The following EXT2 variants were observed in gnomAD, a reference collection of about 807,000 sequenced individuals.
EXT2 encodes the protein exostosin-2.
EXT2 carries 53 observed loss-of-function variants against 81.6 expected under a neutral mutation model. The observed-to-expected ratio is 0.65, with a 90% confidence interval of 0.52 to 0.82. The LOEUF is 0.82. EXT2 is among the 40% of genes least tolerant of loss of function. EXT2 has a pLI of 0.00. For synonymous variants in EXT2, 320 were observed against 340.0 expected, an observed-to-expected ratio of 0.94 and a Z score of 0.65; for missense variants, 774 against 910.2, an observed-to-expected ratio of 0.85 and a Z score of 1.93.
At position 44,172,575 on chromosome 11, in the gene EXT2, T is replaced by C. The variant is rs1297705822; in HGVS notation, c.1305+833T>C. Among the ~76,000 whole-genome samples, 4 of 133,108 alleles carry C rather than the reference T, an allele frequency of 3.0e-5. No individual in the cohort carries two copies. The East Asian group carries it at 9.6e-4, about 32-fold the overall frequency. The allele number at this position is 133,108 out of a possible 152,430, so 87.3% of individuals were successfully genotyped here. A position where few individuals can be genotyped will look rare whatever the true frequency, so the allele number is the denominator to read the frequency against. The stretch of plus-strand genomic sequence containing the variant: ...CTCAGCCCTCCTTGTCTCCTGATTC[T>C]ACCTTTTCTTTTTTTTTTTTTTTTT... On this transcript the variant is annotated intron_variant, in intron 8 of 13. Coordinates refer to ENST00000533608, the MANE Select transcript of EXT2 (RefSeq NM_207122.2).
chr11:44,159,744 G>A (rs1330600872), intron 7 of EXT2, among the ~76,000 whole-genome samples: 1 of 152,134 alleles, frequency 6.6e-6, no homozygotes, highest in Non-Finnish European at 1.5e-5. Flanking sequence ...TGGGAAATAG[G>A]CCTTCAATGG....
chr11:44,224,409 T>C (rs1471278951), intron 10 of EXT2, among the ~76,000 whole-genome samples: 1 of 151,988 alleles, frequency 6.6e-6, no homozygotes, highest in Non-Finnish European at 1.5e-5. Context: ...TATATGTGTT[T>C]ATATTTATAT....
chr11:44,190,911 C>G (rs2135169748), intron 8 of EXT2, among the ~76,000 whole-genome samples: 1 of 152,276 alleles, frequency 6.6e-6, no homozygotes, highest in African/African-American at 2.4e-5. Context: ...AGGGCTCAGG[C>G]AACTTCCTGT....
At chr11:44,222,428 G>C (rs1955791588) in intron 10 of EXT2, among the ~76,000 whole-genome samples, 1 of 152,170 alleles carries the variant, frequency 6.6e-6, no homozygotes, top group Non-Finnish European at 1.5e-5. Flanking sequence ...TTATTGAATT[G>C]AATGTGTTTG....
intron 7 of EXT2, among the ~76,000 whole-genome samples, chr11:44,138,630 C>T (rs537723094): frequency 7.9e-5 from 12 of 151,730 alleles, no homozygotes; most frequent in African/African-American, 2.4e-4. Context: ...AGCTTTTGTT[C>T]CAGTAGTGAG....
intron 7 of EXT2, among the ~76,000 whole-genome samples, chr11:44,139,121 T>A (rs1300900285): frequency 3.4e-5 from 1 of 29,422 alleles, no homozygotes; most frequent in Non-Finnish European, 1.1e-4. Flanking sequence ...CTCTCTCTCC[T>A]TTTTTTTTTT....
At chr11:44,156,052 T>C (rs1954851616) in intron 7 of EXT2, among the ~76,000 whole-genome samples, 1 of 152,228 alleles carries the variant, frequency 6.6e-6, no homozygotes, top group African/African-American at 2.4e-5. Flanking sequence ...CATGTCACTT[T>C]CTTCTAGCCT....
intron 8 of EXT2, among the ~76,000 whole-genome samples, chr11:44,182,257 G>A (rs1955246254): frequency 6.6e-6 from 1 of 152,106 alleles, no homozygotes; most frequent in South Asian, 2.1e-4. Context: ...TGTCAAGGTT[G>A]AGGGGTGGGG....
Position 44,244,328 on chromosome 11 carries a change from G to C in EXT2, c.*41G>C, listed in dbSNP as rs1956073589. On this transcript the variant is annotated 3_prime_UTR_variant, in exon 14 of 14. Coordinates refer to ENST00000533608, the MANE Select transcript of EXT2 (RefSeq NM_207122.2). Reference sequence around the variant, plus strand: ...GAGGTCTGAATGTGAGGCTGGGACAGAGGGAGAGAACAAGGCCTCCCAGCA... The same window carrying C: ...GAGGTCTGAATGTGAGGCTGGGACACAGGGAGAGAACAAGGCCTCCCAGCA... 6.2e-7 allele frequency: 1 copy of C among 1,612,246 alleles called. No individual in the cohort carries two copies. Among genetic ancestry groups the C allele is most frequent in the South Asian group, 1.1e-5 (1 of 91,004 alleles).
At chr11:44,119,792 A>G (rs774603152) in intron 4 of EXT2, among the ~76,000 whole-genome samples, 6 of 152,226 alleles carry the variant, frequency 3.9e-5, no homozygotes, top group Non-Finnish European at 5.9e-5. Context: ...GGCAGCCCCC[A>G]ACATCAAGAA....
intron 7 of EXT2, among the ~76,000 whole-genome samples, chr11:44,140,453 AC>A (rs1448275225): frequency 1.3e-5 from 2 of 152,152 alleles, no homozygotes; most frequent in African/African-American, 4.8e-5. Flanking sequence ...AGAGAAGTAG[AC>A]TAGAGGCTGC....
Position 44,245,087 on chromosome 11 carries a change from GAAGGTCCCA to G in EXT2, c.*803_*811del, listed in dbSNP as rs2135285982. ...CTGATACCCTCTGCATCAAGCGTAA[GAAGGTCCCA>G]AATCATAACCATTTTAAGAACAGAT... On this transcript the variant is annotated 3_prime_UTR_variant, in exon 14 of 14. Coordinates refer to ENST00000533608, the MANE Select transcript of EXT2 (RefSeq NM_207122.2). The G allele has an allele frequency of 4.3e-6, 1 of 231,212 alleles. No homozygotes were observed. The highest frequency in any genetic ancestry group is 6.1e-5 in the East Asian group (1 of 16,368). 14.3% of individuals were successfully genotyped at this position (231,212 alleles called of 1,614,324 possible).
At chr11:44,119,917 A>C (rs1954292251) in intron 4 of EXT2, among the ~76,000 whole-genome samples, 1 of 152,202 alleles carries the variant, frequency 6.6e-6, no homozygotes, top group Non-Finnish European at 1.5e-5. Context: ...CTCTGTCTTC[A>C]GTGCACTTTT....
intron 10 of EXT2, among the ~76,000 whole-genome samples, chr11:44,212,992 GTCAACACTCA>G (rs1198562659): frequency 6.6e-6 from 1 of 151,876 alleles, no homozygotes; most frequent in Non-Finnish European, 1.5e-5. Context: ...ATATACACTT[GTCAACACTCA>G]ATGAATTATA....
intron 7 of EXT2, among the ~76,000 whole-genome samples, chr11:44,133,328 G>A (rs995898419): frequency 6.6e-5 from 10 of 152,180 alleles, no homozygotes; most frequent in Non-Finnish European, 1.3e-4. Flanking sequence ...TTATACCTTA[G>A]TGAATTCTCT....
rs1394534526 is a variant in EXT2 at position 44,246,538 on chromosome 11, A to C, written c.*2251A>C. Among the ~76,000 whole-genome samples, 1 of 152,228 alleles carries C rather than the reference A, an allele frequency of 6.6e-6. No individual in the cohort carries two copies. Among genetic ancestry groups the C allele is most frequent in the African/African-American group, 2.4e-5 (1 of 41,456 alleles). On this transcript the variant is annotated 3_prime_UTR_variant, in exon 14 of 14. Coordinates refer to ENST00000533608, the MANE Select transcript of EXT2 (RefSeq NM_207122.2). ...ATTACAACTCCATTTAAAGTACCTCATTACTCCCAGGAATATTGGGTGTTA... is the reference window on the plus strand; with the variant it reads ...ATTACAACTCCATTTAAAGTACCTCCTTACTCCCAGGAATATTGGGTGTTA...
intron 7 of EXT2, among the ~76,000 whole-genome samples, chr11:44,160,628 T>C (rs1043795859): frequency 6.6e-6 from 1 of 152,144 alleles, no homozygotes; most frequent in African/African-American, 2.4e-5. Flanking sequence ...GTGAGAAGTT[T>C]AGATATGTTA....
At chr11:44,128,660 C>T (rs1954444688) in intron 6 of EXT2, among the ~76,000 whole-genome samples, 1 of 152,104 alleles carries the variant, frequency 6.6e-6, no homozygotes, top group South Asian at 2.1e-4. Flanking sequence ...TAACTCTAAG[C>T]TGAGTCCAAA....
chr11:44,164,216 T>C (rs542318117), intron 7 of EXT2, among the ~76,000 whole-genome samples: 1 of 152,222 alleles, frequency 6.6e-6, no homozygotes, highest in Non-Finnish European at 1.5e-5. Context: ...ATATTATCCA[T>C]CTTTCTACCA....
Sources: gnomAD v4.1 joint callset for allele counts (sites outside exome capture counted in the v4.1 genomes callset) on GRCh38, gnomAD v4.1.1 for gene constraint, MANE v1.5 for transcripts, NCBI Gene and HGNC (gene_info 2026-07-23, HGNC 2026-07-21) for gene names.